The following FAM78B variants were observed in gnomAD, a reference collection of about 807,000 sequenced individuals.
FAM78B encodes family with sequence similarity 78 member B, also known as protein FAM78B.
A neutral mutation model predicts 20.0 loss-of-function variants in FAM78B; 10 were observed. The ratio of observed to expected loss-of-function variants is 0.50; its 90% CI spans 0.31 to 0.85. The LOEUF is 0.85. Ranked by LOEUF, FAM78B falls within the 40% of genes least tolerant of loss-of-function variation. The pLI is 0.05. For missense variants in FAM78B, 283 were observed against 345.0 expected (o/e 0.82, Z 1.42); for synonymous variants, 135 against 132.8 (o/e 1.02, Z -0.12).
chr1:166,166,326 C>T lies in FAM78B; in HGVS notation c.-78G>A, dbSNP rs1656380990. ...CGGGCAGCCGGGGGCGCCCGTCACG[C>T]CGGCATGGCGACGCGCCGCTCGCTC... On this transcript the variant is annotated 5_prime_UTR_variant, in exon 1 of 2. Coordinates refer to ENST00000354422, the MANE Select transcript of FAM78B (RefSeq NM_001017961.5). 1.8e-6 allele frequency: 2 copies of T among 1,082,278 alleles called. No individual in the cohort carries two copies. Among genetic ancestry groups the T allele is most frequent in the Non-Finnish European group, 2.2e-6 (2 of 891,132 alleles). 67.0% of individuals were successfully genotyped at this position (1,082,278 alleles called of 1,614,324 possible).
intron 1 of FAM78B, among the ~76,000 whole-genome samples, chr1:166,088,894 T>C (rs1403761168): frequency 6.6e-6 from 1 of 152,084 alleles, no homozygotes; most frequent in Non-Finnish European, 1.5e-5. Context: ...TCTAATGTGC[T>C]CCACACAGTC....
At chr1:166,056,310 A>G (rs2101937518), downstream of FAM78B, among the ~76,000 whole-genome samples, 1 of 152,034 alleles carries the variant, frequency 6.6e-6, no homozygotes, top group Non-Finnish European at 1.5e-5. Flanking sequence ...AATATGAATG[A>G]ATGAATGAAT....
downstream of FAM78B, among the ~76,000 whole-genome samples, chr1:166,065,606 T>C (rs1185743830): frequency 1.3e-5 from 2 of 152,188 alleles, no homozygotes; most frequent in South Asian, 2.1e-4. Context: ...GGCTCTGTCA[T>C]GGGCAGGTGC....
At chr1:166,084,237 A>ACACTCT (rs771421402) in intron 1 of FAM78B, among the ~76,000 whole-genome samples, 100 of 125,480 alleles carry the variant, frequency 8.0e-4, no homozygotes, top group East Asian at 1.1e-3. Context: ...ACACACACAC[A>ACACTCT]CTCTCTCTCT....
chr1:166,160,140 G>C (rs1189920929), intron 1 of FAM78B, among the ~76,000 whole-genome samples: 1 of 152,204 alleles, frequency 6.6e-6, no homozygotes, highest in Non-Finnish European at 1.5e-5. Context: ...CAGATGGGCT[G>C]ATCTGGTCCT....
intron 1 of FAM78B, among the ~76,000 whole-genome samples, chr1:166,120,942 A>C (rs544358871): frequency 6.6e-6 from 1 of 152,250 alleles, no homozygotes; most frequent in Non-Finnish European, 1.5e-5. Context: ...AAGTGTGAAC[A>C]TAAGTCAATA....
At chr1:166,099,590 CAAATG>C (rs1557899323) in intron 1 of FAM78B, among the ~76,000 whole-genome samples, 1 of 152,118 alleles carries the variant, frequency 6.6e-6, no homozygotes, top group Non-Finnish European at 1.5e-5. Context: ...CCATTTCATG[CAAATG>C]GGGTAGCAGC....
At chr1:166,071,044 A>G (rs188515584) in intron 1 of FAM78B, among the ~76,000 whole-genome samples, 4 of 152,344 alleles carry the variant, frequency 2.6e-5, no homozygotes, top group Admixed American at 2.6e-4. Context: ...CCACAAAGAG[A>G]CATCAACTAG....
At chr1:166,132,566 A>T (rs575693681) in intron 1 of FAM78B, among the ~76,000 whole-genome samples, 1 of 152,334 alleles carries the variant, frequency 6.6e-6, no homozygotes, top group East Asian at 1.9e-4. Flanking sequence ...ACCATATGCC[A>T]TCTCCCTTCT....
chr1:166,138,919 A>G (rs1655173112), intron 1 of FAM78B, among the ~76,000 whole-genome samples: 1 of 152,246 alleles, frequency 6.6e-6, no homozygotes, highest in African/African-American at 2.4e-5. Context: ...GCCTTTCAAG[A>G]TAATCTAATC....
downstream of FAM78B, among the ~76,000 whole-genome samples, chr1:166,067,507 TGAGGGGAAG>T: frequency 6.6e-6 from 1 of 152,156 alleles, no homozygotes; most frequent in South Asian, 2.1e-4. Context: ...CCAGGCATTT[TGAGGGGAAG>T]GAGGGCTGGA....
At chr1:166,153,679 A>AG (rs1157151383) in intron 1 of FAM78B, among the ~76,000 whole-genome samples, 1 of 152,122 alleles carries the variant, frequency 6.6e-6, no homozygotes, top group Admixed American at 6.5e-5. Context: ...GGACTATGTA[A>AG]GGGGGAGGTG....
At chr1:166,083,607 T>G (rs1373469093) in intron 1 of FAM78B, among the ~76,000 whole-genome samples, 1 of 152,280 alleles carries the variant, frequency 6.6e-6, no homozygotes, top group Non-Finnish European at 1.5e-5. Context: ...TGGGTTCAAG[T>G]GCTTCTCCTG....
chr1:166,110,355 C>T (rs1308206205), intron 1 of FAM78B, among the ~76,000 whole-genome samples: 1 of 152,152 alleles, frequency 6.6e-6, no homozygotes, highest in Non-Finnish European at 1.5e-5. Context: ...ACCTCAGATC[C>T]TCCCTCTGCA....
At chr1:166,081,210 A>G (rs1017338828) in intron 1 of FAM78B, 33 of 152,204 alleles carry the variant, frequency 2.2e-4, no homozygotes, top group African/African-American at 7.5e-4. Context: ...ATCAGTGCAG[A>G]GACAGGCTTC....
intron 1 of FAM78B, among the ~76,000 whole-genome samples, chr1:166,105,864 C>A (rs544415405): frequency 3.3e-4 from 50 of 151,464 alleles, no homozygotes; most frequent in African/African-American, 1.2e-3. Flanking sequence ...GGGTATATAC[C>A]CAAAGGATTA....
intron 1 of FAM78B, among the ~76,000 whole-genome samples, chr1:166,142,964 G>C (rs149223461): frequency 1.3e-5 from 2 of 152,304 alleles, no homozygotes; most frequent in African/African-American, 4.8e-5. Flanking sequence ...TGGTACAGTA[G>C]TGTAAGAGGC....
intron 1 of FAM78B, among the ~76,000 whole-genome samples, chr1:166,073,977 A>T (rs775433482): frequency 1.3e-5 from 2 of 152,114 alleles, no homozygotes; most frequent in African/African-American, 2.4e-5. Context: ...CCTTCACTTA[A>T]TCCAAGCCCT....
chr1:166,148,563 T>C (rs1655559255), intron 1 of FAM78B, among the ~76,000 whole-genome samples: 1 of 152,260 alleles, frequency 6.6e-6, no homozygotes, highest in South Asian at 2.1e-4. Context: ...CTCATGTTCA[T>C]CTGTGCTCAT....
Sources: gnomAD v4.1 joint callset for allele counts (sites outside exome capture counted in the v4.1 genomes callset) on GRCh38, gnomAD v4.1.1 for gene constraint, MANE v1.5 for transcripts, NCBI Gene and HGNC (gene_info 2026-07-23, HGNC 2026-07-21) for gene names.